The following ANK2 variants were observed in gnomAD, a reference collection of about 807,000 sequenced individuals.
The protein encoded by ANK2 is ankyrin-2.
ANK2 carries 83 observed loss-of-function variants against 360.5 expected under a neutral mutation model. The ratio of observed to expected loss-of-function variants is 0.23; its 90% CI spans 0.19 to 0.28. ANK2 has a LOEUF of 0.28. Among genes scored for constraint, ANK2 ranks in the 10% least tolerant of loss-of-function variants. The pLI is 1.00. For synonymous variants in ANK2, 1,740 were observed against 1,759.5 expected, an observed-to-expected ratio of 0.99 and a Z score of 0.28; for missense variants, 4,201 against 4,795.7, an observed-to-expected ratio of 0.88 and a Z score of 3.66.
At chr4:112,799,753 G>C in the ANK2 span, among the ~76,000 whole-genome samples, 1 of 151,116 alleles carries the variant, frequency 6.6e-6, no homozygotes, top group East Asian at 1.9e-4. Flanking sequence ...CTTGCCTTCA[G>C]GTGATCCGCC....
intron 1 of ANK2, chr4:113,160,304 G>C (rs2097478538): frequency 4.8e-6 from 2 of 413,592 alleles, no homozygotes; most frequent in Non-Finnish European, 9.5e-6. Flanking sequence ...GAGCTCAAGT[G>C]ATCCTCTTGC....
chr4:113,279,406 C>T (rs2153703937), intron 17 of ANK2, among the ~76,000 whole-genome samples: 1 of 152,074 alleles, frequency 6.6e-6, no homozygotes, highest in South Asian at 2.1e-4. Flanking sequence ...TAATGATCTC[C>T]GTTTTGCAGA....
intron 22 of ANK2, 104 bp from the exon 23 acceptor site, chr4:113,302,663 C>G: frequency 2.3e-6 from 2 of 878,032 alleles, no homozygotes. Flanking sequence ...AGTCATGGCT[C>G]GATGGCTTGC....
At chr4:112,858,344 G>A (rs1026569336) in intron 1 of ANK2, among the ~76,000 whole-genome samples, 4 of 152,144 alleles carry the variant, frequency 2.6e-5, no homozygotes, top group African/African-American at 7.2e-5. Context: ...CTATGTGCTA[G>A]GCATTCTTCA....
intron 9 of ANK2, among the ~76,000 whole-genome samples, chr4:113,247,608 G>A (rs747189100): frequency 6.6e-6 from 1 of 152,170 alleles, no homozygotes; most frequent in African/African-American, 2.4e-5. Flanking sequence ...AAACATGTAA[G>A]GTGCCATTCC....
At chr4:113,018,447 C>A (rs2072815387) in intron 2 of ANK2, among the ~76,000 whole-genome samples, 1 of 152,156 alleles carries the variant, frequency 6.6e-6, no homozygotes, top group African/African-American at 2.4e-5. Context: ...AGGAGAAAAG[C>A]CTATGTCAAT....
At chr4:113,281,630 A>T (rs918212611) in intron 17 of ANK2, among the ~76,000 whole-genome samples, 4 of 152,192 alleles carry the variant, frequency 2.6e-5, no homozygotes, top group African/African-American at 7.2e-5. Context: ...ACTGAAGGGA[A>T]AAGCCACTGT....
At chr4:112,716,767 T>A in the ANK2 span, among the ~76,000 whole-genome samples, 5 of 152,196 alleles carry the variant, frequency 3.3e-5, no homozygotes, top group Non-Finnish European at 7.3e-5. Context: ...TTGTACTTTT[T>A]TTTAATTGAA....
At chr4:113,117,484 T>G in intron 1 of ANK2, 1 of 444,084 alleles carries the variant, frequency 2.3e-6, no homozygotes, top group East Asian at 7.0e-5. Context: ...GCCTCAGAAC[T>G]GGCAACTTCA....
At chr4:113,106,349 G>T (rs1032172682) in intron 1 of ANK2, among the ~76,000 whole-genome samples, 2 of 152,154 alleles carry the variant, frequency 1.3e-5, no homozygotes, top group Admixed American at 6.5e-5. Flanking sequence ...TTTTCAGATT[G>T]TTTTAAGCAG....
upstream of ANK2, among the ~76,000 whole-genome samples, chr4:113,045,125 T>A (rs1228718272): frequency 6.6e-6 from 1 of 152,180 alleles, no homozygotes. Flanking sequence ...TCAGAGAACT[T>A]TACCTCACTC....
At chr4:112,878,344 G>T (rs1231641951) in intron 1 of ANK2, among the ~76,000 whole-genome samples, 1 of 151,754 alleles carries the variant, frequency 6.6e-6, no homozygotes, top group African/African-American at 2.4e-5. Flanking sequence ...ATTTTTCTTT[G>T]AGATGGAGTT....
At chr4:113,276,606 T>G (rs1486845287) in intron 15 of ANK2, among the ~76,000 whole-genome samples, 1 of 152,160 alleles carries the variant, frequency 6.6e-6, no homozygotes, top group East Asian at 1.9e-4. Context: ...TAACCACAAA[T>G]GCTGGTTTAT....
chr4:113,214,517 T>C (rs1202031091), intron 4 of ANK2: 1 of 595,890 alleles, frequency 1.7e-6, no homozygotes, highest in Non-Finnish European at 3.0e-6. Context: ...CATTCATTAA[T>C]TTATTAAGAG....
At chr4:112,734,865 G>A in the ANK2 span, among the ~76,000 whole-genome samples, 2 of 152,056 alleles carry the variant, frequency 1.3e-5, no homozygotes, top group South Asian at 2.1e-4. Flanking sequence ...TAATCTGGGC[G>A]TTTTGCCCAG....
At chr4:113,170,010 C>A (rs1307450364) in intron 1 of ANK2, among the ~76,000 whole-genome samples, 1 of 152,056 alleles carries the variant, frequency 6.6e-6, no homozygotes, top group African/African-American at 2.4e-5. Flanking sequence ...ATAAAGAATA[C>A]CTTTTTTGTA....
chr4:112,821,053 A>G (rs1242824651), intron 1 of ANK2, among the ~76,000 whole-genome samples: 1 of 152,176 alleles, frequency 6.6e-6, no homozygotes, highest in Non-Finnish European at 1.5e-5. Context: ...CTGAGATTAC[A>G]GGCATGCGCT....
At chr4:112,783,234 G>T in the ANK2 span, among the ~76,000 whole-genome samples, 1 of 152,302 alleles carries the variant, frequency 6.6e-6, no homozygotes, top group Admixed American at 6.5e-5. Context: ...GGGTCACAGG[G>T]TTAGTTTGTG....
intron 17 of ANK2, among the ~76,000 whole-genome samples, chr4:113,281,727 A>G (rs1031095476): frequency 9.9e-5 from 15 of 152,182 alleles, no homozygotes; most frequent in Admixed American, 9.2e-4. Flanking sequence ...TTGCAGACTT[A>G]CAGTTGTTCC....
Sources: allele counts gnomAD v4.1 joint callset (sites outside exome capture counted in the v4.1 genomes callset), GRCh38; gene constraint gnomAD v4.1.1; transcripts MANE v1.5; gene names NCBI Gene and HGNC (gene_info 2026-07-23, HGNC 2026-07-21).